FGD6: variants seen among roughly 807,000 people sequenced by gnomAD.
FGD6 encodes FYVE, RhoGEF and PH domain containing 6, also known as FYVE, RhoGEF and PH domain-containing protein 6.
In FGD6, 90 loss-of-function variants were observed where a neutral mutation model predicts 149.4. The observed-to-expected ratio is 0.60, with a 90% CI of 0.51 to 0.72. FGD6 has a LOEUF of 0.72. Ranked by LOEUF, FGD6 falls within the 30% of genes least tolerant of loss-of-function variation. FGD6 has a pLI of 0.00. For synonymous variants in FGD6, 527 were observed against 584.0 expected (o/e 0.90, Z 1.41); for missense variants, 1,437 against 1,684.8 (o/e 0.85, Z 2.57).
At chr12:95,184,644 C>T (rs1036496211) in intron 2 of FGD6, among the ~76,000 whole-genome samples, 3 of 150,502 alleles carry the variant, frequency 2.0e-5, no homozygotes, top group Admixed American at 6.6e-5. Context: ...CAGTGGTGCG[C>T]GATCTTGGCT....
At chr12:95,158,807 A>G (rs567087656) in intron 3 of FGD6, among the ~76,000 whole-genome samples, 1 of 152,180 alleles carries the variant, frequency 6.6e-6, no homozygotes, top group South Asian at 2.1e-4. Flanking sequence ...GGATTGCTTG[A>G]GCCCAGGAGT....
At chr12:95,104,321 C>T (rs1026263184) in intron 14 of FGD6, among the ~76,000 whole-genome samples, 7 of 151,972 alleles carry the variant, frequency 4.6e-5, no homozygotes, top group African/African-American at 1.7e-4. Context: ...AAAAATAGGC[C>T]GGCACAGTGA....
At chr12:95,081,906 A>G (rs1467950054) in intron 20 of FGD6, among the ~76,000 whole-genome samples, 1 of 152,052 alleles carries the variant, frequency 6.6e-6, no homozygotes, top group Non-Finnish European at 1.5e-5. Flanking sequence ...TCCCGACCTC[A>G]TGTGATCGGC....
chr12:95,108,451 C>T (rs1213265258), intron 10 of FGD6, 32 bp from the exon 11 acceptor site: 4 of 1,613,868 alleles, frequency 2.5e-6, no homozygotes, highest in Non-Finnish European at 3.4e-6. Flanking sequence ...CATATGAAGG[C>T]CTGGGCTTTC....
In FGD6 at chr12:95,217,262, T is replaced by C. The variant is rs1181633303; in HGVS notation, c.-22A>G. 2 of 1,604,078 alleles carry C rather than the reference T, an allele frequency of 1.2e-6. No homozygotes were observed. Among genetic ancestry groups the C allele is most frequent in the Non-Finnish European group, 1.7e-6 (2 of 1,173,322 alleles). ...TCATGATTCCCCGGTGCAGCTCGCT[T>C]CCCCGCTCGGCCCCTCAATCCATCT... On this transcript the variant is annotated 5_prime_UTR_variant, in exon 1 of 21. Coordinates refer to ENST00000343958, the MANE Select transcript of FGD6 (RefSeq NM_018351.4).
At chr12:95,164,860 A>C (rs1880759403) in intron 3 of FGD6, among the ~76,000 whole-genome samples, 1 of 152,170 alleles carries the variant, frequency 6.6e-6, no homozygotes, top group African/African-American at 2.4e-5. Flanking sequence ...TTATTTCAAA[A>C]ATGAGGTGAC....
intron 2 of FGD6, among the ~76,000 whole-genome samples, chr12:95,199,066 G>A (rs1021213060): frequency 3.9e-5 from 6 of 152,184 alleles, no homozygotes. Context: ...GTGCAATGAT[G>A]CAAGTAAACC....
At chr12:95,094,876 C>A (rs1352398083) in intron 14 of FGD6, among the ~76,000 whole-genome samples, 182 bp from the exon 15 acceptor site, 2 of 152,164 alleles carry the variant, frequency 1.3e-5, no homozygotes, top group Non-Finnish European at 2.9e-5. Context: ...CAACAGAGAA[C>A]CCGTGATGGC....
chr12:95,166,875 G>C (rs1471779123), intron 3 of FGD6, among the ~76,000 whole-genome samples: 1 of 62,388 alleles, frequency 1.6e-5, no homozygotes, highest in Non-Finnish European at 3.2e-5. Context: ...TTTTTTTTTT[G>C]AGTCAGAGTC....
intron 3 of FGD6, among the ~76,000 whole-genome samples, chr12:95,153,628 T>A (rs1157007212): frequency 6.6e-6 from 1 of 152,136 alleles, no homozygotes; most frequent in Admixed American, 6.5e-5. Context: ...GCCATTGCAC[T>A]ATAGCCTGGG....
Position 95,084,606 on chromosome 12 carries a change from G to A in FGD6, c.4148C>T (p.Thr1383Ile), listed in dbSNP as rs1592822711. 6.2e-7 allele frequency: 1 copy of A among 1,605,576 alleles called. No homozygotes were observed. Among genetic ancestry groups the A allele is most frequent in the Non-Finnish European group, 8.5e-7 (1 of 1,177,418 alleles). Residue 1383 changes from threonine (T) to isoleucine (I), a missense_variant, in exon 20 of 21, where the codon ACT becomes ATT. Around this residue, in one of 2 missense-constraint regions of FGD6, gnomAD observed 382 missense variants for 538.7 expected, o/e 0.71. Transcript: ENST00000343958. The part of the protein sequence containing the change: ...ALESQPLLGF[T>I]VIQVKDENSE... The stretch of plus-strand genomic sequence containing the variant: ...ATTCTCATCTTTAACTTGAATAACA[G>A]TGAATCCTAATAAAGGCTGACTCTC...
chr12:95,104,377 T>C (rs1014464221), intron 14 of FGD6, among the ~76,000 whole-genome samples: 4 of 152,062 alleles, frequency 2.6e-5, no homozygotes, highest in South Asian at 2.1e-4. Context: ...GGTGGGAAGA[T>C]TGCATGAGCT....
Position 95,080,849 on chromosome 12 carries a change from C to T in FGD6, c.*671G>A, listed in dbSNP as rs1470619091. The T allele has an allele frequency of 1.3e-5, 2 of 152,148 alleles. No homozygotes were observed. The highest frequency in any genetic ancestry group is 2.4e-5 in the African/African-American group (1 of 41,444). The allele number at this position is 152,148 out of a possible 1,614,324, so 9.4% of individuals were successfully genotyped here. ...AAATAAAAACATCTTCATTCCTACT[C>T]ACAGTTTTAAAAAATTCAGATTCTA... On this transcript the variant is annotated 3_prime_UTR_variant, in exon 21 of 21. Transcript: ENST00000343958.
intron 2 of FGD6, among the ~76,000 whole-genome samples, chr12:95,179,928 A>G (rs1881231796): frequency 6.6e-6 from 1 of 152,078 alleles, no homozygotes; most frequent in Non-Finnish European, 1.5e-5. Flanking sequence ...AAAATACAAA[A>G]TTAGCCAGGC....
At chr12:95,097,636 A>G (rs1878279416) in intron 14 of FGD6, among the ~76,000 whole-genome samples, 1 of 142,594 alleles carries the variant, frequency 7.0e-6, no homozygotes, top group Admixed American at 6.9e-5. Context: ...CTCTGTCTCA[A>G]AAAAAAAAAA....
At chr12:95,155,546 A>G (rs902586744) in intron 3 of FGD6, among the ~76,000 whole-genome samples, 2 of 152,188 alleles carry the variant, frequency 1.3e-5, no homozygotes, top group Admixed American at 1.3e-4. Context: ...AACAAAACAA[A>G]AAACAAAAAA....
At chr12:95,104,969 GA>G in intron 14 of FGD6, 37 bp downstream of exon 14, 1 of 1,250,074 alleles carries the variant, frequency 8.0e-7, no homozygotes, top group East Asian at 3.0e-5. Flanking sequence ...GACTCAGAAT[GA>G]GAAAAAAAAA....
chr12:95,154,388 TTTG>T (rs972129857), intron 3 of FGD6, among the ~76,000 whole-genome samples: 4 of 152,268 alleles, frequency 2.6e-5, no homozygotes, highest in East Asian at 1.9e-4. Context: ...TTTAGGTGAA[TTTG>T]TTGTTGTTGT....
At chr12:95,133,250 T>C (rs1342923590) in intron 8 of FGD6, among the ~76,000 whole-genome samples, 4 of 152,146 alleles carry the variant, frequency 2.6e-5, no homozygotes, top group Admixed American at 2.6e-4. Context: ...AAACCCCGCC[T>C]CTACTAAAAA....
Sources: gnomAD v4.1 joint callset for allele counts (sites outside exome capture counted in the v4.1 genomes callset) on GRCh38, gnomAD v4.1.1 for gene constraint, gnomAD v4.1.1 regional missense constraint, MANE v1.5 for transcripts, NCBI Gene and HGNC (gene_info 2026-07-23, HGNC 2026-07-21) for gene names.